ARHGAP26: variants seen among roughly 807,000 people sequenced by gnomAD.
ARHGAP26 encodes Rho GTPase activating protein 26, also known as rho GTPase-activating protein 26.
Under a neutral mutation model 104.8 loss-of-function variants are expected in ARHGAP26, and 38 were observed. The ratio of observed to expected loss-of-function variants is 0.36; its 90% CI spans 0.28 to 0.48. The LOEUF (loss-of-function observed/expected upper bound fraction) is 0.48. ARHGAP26 is among the 20% of genes least tolerant of loss of function. ARHGAP26 has a pLI of 0.99. For synonymous variants in ARHGAP26, 341 were observed against 340.0 expected, an observed-to-expected ratio of 1.00 and a Z score of -0.03; for missense variants, 704 against 947.9, an observed-to-expected ratio of 0.74 and a Z score of 3.38.
At chr5:142,808,531 C>T (rs1025733756) in intron 1 of ARHGAP26, among the ~76,000 whole-genome samples, 1 of 151,732 alleles carries the variant, frequency 6.6e-6, no homozygotes, top group Non-Finnish European at 1.5e-5. Flanking sequence ...TTTGGTAACA[C>T]GGAGTCACCA....
intron 14 of ARHGAP26, among the ~76,000 whole-genome samples, chr5:143,042,564 C>T (rs933986547): frequency 1.3e-5 from 2 of 152,176 alleles, no homozygotes; most frequent in Admixed American, 6.5e-5. Context: ...TGAGTGCAGC[C>T]AGCCTCCATG....
At position 142,916,861 on chromosome 5, in the gene ARHGAP26, C is replaced by T. The variant is rs565395967; in HGVS notation, c.1028+3568C>T. Among the ~76,000 whole-genome samples the T allele has an allele frequency of 2.6e-5, 4 of 152,180 alleles. No individual in the cohort carries two copies. The South Asian group carries it at 8.3e-4, about 32-fold the overall frequency. Reference sequence around the variant, plus strand: ...TTTCCTATAAGCTGAACACTTTCATCCTTGTGTTGTGTCATCCTCACTACA... The same window carrying T: ...TTTCCTATAAGCTGAACACTTTCATTCTTGTGTTGTGTCATCCTCACTACA... On this transcript the variant is annotated intron_variant, in intron 10 of 22. Transcript: ENST00000645722.
At chr5:143,035,265 A>G (rs1389501777) in intron 12 of ARHGAP26, among the ~76,000 whole-genome samples, 1 of 152,224 alleles carries the variant, frequency 6.6e-6, no homozygotes, top group East Asian at 1.9e-4. Context: ...CACAATTCAC[A>G]ATTGCAGAAA....
chr5:143,204,466 G>A (rs1171111273), intron 20 of ARHGAP26, among the ~76,000 whole-genome samples: 1 of 152,238 alleles, frequency 6.6e-6, no homozygotes, highest in African/African-American at 2.4e-5. Context: ...AGAGGTTGCA[G>A]TGAGCCAAGA....
At chr5:143,192,955 C>T (rs1053319716) in intron 20 of ARHGAP26, among the ~76,000 whole-genome samples, 21 of 152,080 alleles carry the variant, frequency 1.4e-4, no homozygotes, top group Non-Finnish European at 2.1e-4. Context: ...ATGCAGTAGG[C>T]GCTCCTCATC....
chr5:142,862,574 C>A (rs13159551), intron 1 of ARHGAP26, among the ~76,000 whole-genome samples: 1 of 151,976 alleles, frequency 6.6e-6, no homozygotes, highest in African/African-American at 2.4e-5. Context: ...TTGATAACTC[C>A]CTGGTAGAAG....
At chr5:142,981,286 G>A (rs1162473903) in intron 11 of ARHGAP26, among the ~76,000 whole-genome samples, 1 of 152,100 alleles carries the variant, frequency 6.6e-6, no homozygotes, top group Admixed American at 6.5e-5. Flanking sequence ...CCGTAAAATG[G>A]GGATAATAAC....
chr5:142,824,977 A>T (rs1766943613), intron 1 of ARHGAP26, among the ~76,000 whole-genome samples: 1 of 152,210 alleles, frequency 6.6e-6, no homozygotes, highest in East Asian at 1.9e-4. Context: ...GCAACCAATG[A>T]AAATGGATCA....
chr5:143,016,319 A>T (rs1283599388), intron 12 of ARHGAP26, among the ~76,000 whole-genome samples: 1 of 152,212 alleles, frequency 6.6e-6, no homozygotes, highest in African/African-American at 2.4e-5. Context: ...TTATTCACAG[A>T]GCAAAGAGAG....
At chr5:142,801,865 G>A (rs1210614559) in intron 1 of ARHGAP26, among the ~76,000 whole-genome samples, 1 of 152,186 alleles carries the variant, frequency 6.6e-6, no homozygotes, top group African/African-American at 2.4e-5. Flanking sequence ...AATCCGTGCT[G>A]TTGATACTTA....
intron 10 of ARHGAP26, among the ~76,000 whole-genome samples, chr5:142,930,175 A>G (rs1764507989): frequency 6.6e-6 from 1 of 152,208 alleles, no homozygotes; most frequent in Non-Finnish European, 1.5e-5. Flanking sequence ...GAGTTCTGCA[A>G]TAGACAGTAG....
At chr5:142,864,718 T>G (rs1429816790) in intron 1 of ARHGAP26, among the ~76,000 whole-genome samples, 1 of 152,220 alleles carries the variant, frequency 6.6e-6, no homozygotes, top group Non-Finnish European at 1.5e-5. Context: ...GCCGGGGGCA[T>G]CCCTGTCCTC....
chr5:142,921,484 T>C (rs1763184596), intron 10 of ARHGAP26: 1 of 167,080 alleles, frequency 6.0e-6, no homozygotes, highest in Admixed American at 6.5e-5. Context: ...CTATTTAAAC[T>C]AAACTTTTAG....
chr5:143,173,584 T>G (rs796244666), intron 20 of ARHGAP26, among the ~76,000 whole-genome samples: 9 of 152,346 alleles, frequency 5.9e-5, no homozygotes, highest in African/African-American at 2.2e-4. Flanking sequence ...TTTTTCTTAA[T>G]CCTCACAGTC....
intron 17 of ARHGAP26, among the ~76,000 whole-genome samples, chr5:143,063,971 G>C (rs1019658700): frequency 7.2e-5 from 11 of 152,152 alleles, no homozygotes; most frequent in Admixed American, 7.2e-4. Flanking sequence ...CCTTGTCTTT[G>C]TTTCTTACCT....
chr5:143,227,921 A>G lies in ARHGAP26; in HGVS notation c.*5475A>G, dbSNP rs771459315. Reference sequence around the variant, plus strand: ...TATTTTTACAAAAGTTGTGCCAGACATTACAGAGTGAAAACGTCTCTCAAG... The same window carrying G: ...TATTTTTACAAAAGTTGTGCCAGACGTTACAGAGTGAAAACGTCTCTCAAG... On this transcript the variant is annotated 3_prime_UTR_variant, in exon 23 of 23. Transcript: ENST00000645722. The G allele has an allele frequency of 9.0e-6, 2 of 221,284 alleles. No homozygotes were observed. Among genetic ancestry groups the G allele is most frequent in the Admixed American group, 5.8e-5 (1 of 17,340 alleles). The allele number at this position is 221,284 out of a possible 1,614,324, so 13.7% of individuals were successfully genotyped here.
intron 11 of ARHGAP26, among the ~76,000 whole-genome samples, chr5:143,011,665 CTTTG>C (rs1448952226): frequency 3.3e-5 from 5 of 152,126 alleles, no homozygotes; most frequent in Non-Finnish European, 7.4e-5. Context: ...TCTCCAACCC[CTTTG>C]TTTGTGCAGG....
At chr5:142,859,289 C>T (rs1305325053) in intron 1 of ARHGAP26, among the ~76,000 whole-genome samples, 2 of 152,088 alleles carry the variant, frequency 1.3e-5, no homozygotes, top group African/African-American at 2.4e-5. Context: ...GAGAGGAGAG[C>T]TAATTGAGGT....
intron 1 of ARHGAP26, among the ~76,000 whole-genome samples, chr5:142,811,355 C>T (rs1764035704): frequency 6.6e-6 from 1 of 152,220 alleles, no homozygotes; most frequent in Non-Finnish European, 1.5e-5. Flanking sequence ...AAGCTGTCCA[C>T]ATGCCAGGAG....
Sources: gnomAD v4.1 joint callset for allele counts (sites outside exome capture counted in the v4.1 genomes callset) on GRCh38, gnomAD v4.1.1 for gene constraint, MANE v1.5 for transcripts, NCBI Gene and HGNC (gene_info 2026-07-23, HGNC 2026-07-21) for gene names.